The following ZNF679 variants were observed in gnomAD, a reference collection of about 807,000 sequenced individuals.
ZNF679 encodes zinc finger protein 679.
In ZNF679, 10 loss-of-function variants were observed where a neutral mutation model predicts 13.4. That is an observed-to-expected ratio of 0.75 (90% confidence interval 0.46 to 1.27). The LOEUF is 1.27. Among genes scored for constraint, ZNF679 ranks in the 50% most tolerant of loss-of-function variants. The pLI, the probability that ZNF679 is intolerant of heterozygous loss-of-function variation, is 0.00. For missense variants in ZNF679, 525 were observed against 477.8 expected (o/e 1.10, Z -0.92); for synonymous variants, 179 against 162.5 (o/e 1.10, Z -0.77).
intron 2 of ZNF679, among the ~76,000 whole-genome samples, chr7:64,259,875 C>T (rs1788051946): frequency 6.6e-6 from 1 of 151,740 alleles, no homozygotes; most frequent in African/African-American, 2.4e-5. Flanking sequence ...TTTCAGTGAG[C>T]CAAGATCATG....
At chr7:64,257,857 A>G (rs1186283855) in intron 2 of ZNF679, among the ~76,000 whole-genome samples, 2 of 152,346 alleles carry the variant, frequency 1.3e-5, no homozygotes, top group South Asian at 2.1e-4. Context: ...GGAAAGCACA[A>G]TCAGCATTTA....
intron 1 of ZNF679, among the ~76,000 whole-genome samples, chr7:64,236,957 GAAAGAAAGAAAGAAAGAAA>G (rs1562840317): frequency 4.6e-4 from 34 of 74,290 alleles, no homozygotes; most frequent in African/African-American, 2.0e-3. Flanking sequence ...AAGAAAGAAA[GAAAGAAAGAAAGAAAGAAA>G]AAGAAAGAAA....
rs1290345784 is a variant in ZNF679 at position 64,236,922 on chromosome 7, GAAGA to G, written c.-91+8321_-91+8324del. On this transcript the variant is annotated intron_variant, in intron 1 of 4. Coordinates refer to ENST00000421025, the MANE Select transcript of ZNF679 (RefSeq NM_153363.3). ...AAAAAGAAAAAAAGAAAGAAAGAAA[GAAGA>G]AAGAAAGAAAGAAAGAAAGAAAGAA... Among the ~76,000 whole-genome samples the G allele has an allele frequency of 7.8e-3, 662 of 85,366 alleles. 3 individuals carry two copies. Among genetic ancestry groups the G allele is most frequent in the African/African-American group, 0.014 (282 of 19,874 alleles). 56.0% of individuals were successfully genotyped at this position (85,366 alleles called of 152,430 possible).
chr7:64,251,239 G>T lies in ZNF679; in HGVS notation c.39+2083G>T, dbSNP rs78513247. Among the ~76,000 whole-genome samples the T allele has an allele frequency of 9.5e-3, 1,442 of 152,160 alleles. 15 individuals carry two copies. The highest frequency in any genetic ancestry group is 0.033 in the African/African-American group (1,352 of 41,522). On this transcript the variant is annotated intron_variant, in intron 2 of 4. Transcript: ENST00000421025. Reference sequence around the variant, plus strand: ...AAGACCAAGGTGCAGATCACTTGAGGTCAGGAGTTAGAAACCAGCCTGGCC... The same window carrying T: ...AAGACCAAGGTGCAGATCACTTGAGTTCAGGAGTTAGAAACCAGCCTGGCC...
chr7:64,253,033 C>T (rs1644758445), intron 2 of ZNF679, among the ~76,000 whole-genome samples: 1 of 152,114 alleles, frequency 6.6e-6, no homozygotes, highest in African/African-American at 2.4e-5. Context: ...ATCTTGATTT[C>T]TGAATTTTAT....
At chr7:64,255,019 A>AG (rs1787987498) in intron 2 of ZNF679, among the ~76,000 whole-genome samples, 2 of 105,328 alleles carry the variant, frequency 1.9e-5, no homozygotes. Context: ...AAAAAAAAAG[A>AG]AAAAAAATTG....
intron 2 of ZNF679, among the ~76,000 whole-genome samples, chr7:64,250,265 G>GTTTTTTT (rs11434714): frequency 1.3e-4 from 12 of 91,308 alleles, no homozygotes; most frequent in Admixed American, 3.2e-4. Context: ...CTTTCCCTTG[G>GTTTTTTT]TTTTTTTTTT....
chr7:64,265,347 C>T (rs1788129292), intron 4 of ZNF679, among the ~76,000 whole-genome samples: 1 of 152,110 alleles, frequency 6.6e-6, no homozygotes, highest in East Asian at 1.9e-4. Context: ...CATGTTTCTT[C>T]TTACCAGTAG....
At chr7:64,262,212 G>GT (rs1300953422) in intron 4 of ZNF679, among the ~76,000 whole-genome samples, 3 of 152,118 alleles carry the variant, frequency 2.0e-5, no homozygotes. Context: ...TCTAGGAGTT[G>GT]TTTATAAATT....
intron 1 of ZNF679, among the ~76,000 whole-genome samples, chr7:64,238,840 T>C (rs1787759006): frequency 6.6e-6 from 1 of 152,134 alleles, no homozygotes; most frequent in Non-Finnish European, 1.5e-5. Context: ...CACCTGCCCA[T>C]AGATCCCCAC....
At chr7:64,230,601 G>A (rs1414221651) in intron 1 of ZNF679, among the ~76,000 whole-genome samples, 3 of 151,958 alleles carry the variant, frequency 2.0e-5, no homozygotes, top group African/African-American at 7.2e-5. Flanking sequence ...TCACCAAGGT[G>A]TAGCCCAAAT....
At chr7:64,247,520 T>G (rs1448483418) in intron 1 of ZNF679, among the ~76,000 whole-genome samples, 1 of 152,252 alleles carries the variant, frequency 6.6e-6, no homozygotes, top group African/African-American at 2.4e-5. Context: ...TATATTGGAC[T>G]GATTAAATTG....
chr7:64,238,632 T>C (rs1337180508), intron 1 of ZNF679, among the ~76,000 whole-genome samples: 2 of 152,136 alleles, frequency 1.3e-5, no homozygotes, highest in Non-Finnish European at 2.9e-5. Context: ...AAGTGATCCA[T>C]CTGCCTTGGC....
In ZNF679 at chr7:64,260,287, G is replaced by A. The variant is rs538401113; in HGVS notation, c.106G>A (p.Ala36Thr). ...SLEEWQCLDH[A>T]QQNLYRDVML... ...GGAGGAGTGGCAATGCCTGGATCACGCTCAGCAGAATTTATATAGAGATGT... is the reference window on the plus strand; with the variant it reads ...GGAGGAGTGGCAATGCCTGGATCACACTCAGCAGAATTTATATAGAGATGT... Residue 36 changes from alanine (A) to threonine (T), a missense_variant, in exon 3 of 5, where the codon GCT (alanine) becomes ACT (threonine). Physicochemically the swap from Ala to Thr is moderately conservative, Grantham distance 58. Coordinates refer to ENST00000421025, the MANE Select transcript of ZNF679 (RefSeq NM_153363.3). 35 of 1,612,832 alleles carry A rather than the reference G, an allele frequency of 2.2e-5. No individual in the cohort carries two copies. Among genetic ancestry groups the A allele is most frequent in the East Asian group, 1.8e-4 (8 of 44,828 alleles).
chr7:64,233,421 G>T (rs760482105), intron 1 of ZNF679, among the ~76,000 whole-genome samples: 2 of 152,106 alleles, frequency 1.3e-5, no homozygotes, highest in Non-Finnish European at 2.9e-5. Context: ...AGTCTGGGAG[G>T]TTGAGGCTGC....
chr7:64,236,945 GAAAGAAAGA>G (rs1787727420), intron 1 of ZNF679, among the ~76,000 whole-genome samples: 5 of 46,352 alleles, frequency 1.1e-4, no homozygotes, highest in Non-Finnish European at 2.0e-4. Context: ...AAGAAAGAAA[GAAAGAAAGA>G]AAGAAAGAAA....
chr7:64,234,962 C>T (rs1381043429), intron 1 of ZNF679, among the ~76,000 whole-genome samples: 2 of 152,130 alleles, frequency 1.3e-5, no homozygotes, highest in East Asian at 1.9e-4. Flanking sequence ...CTCAGCCTCT[C>T]GAGTAGCTGG....
intron 1 of ZNF679, among the ~76,000 whole-genome samples, chr7:64,229,944 C>T (rs1223969793): frequency 6.6e-6 from 1 of 152,170 alleles, no homozygotes; most frequent in Admixed American, 6.5e-5. Flanking sequence ...TGTTACAACA[C>T]ATGCTGCGAA....
intron 2 of ZNF679, 49 bp downstream of exon 2, chr7:64,249,205 A>G: frequency 1.2e-6 from 2 of 1,613,892 alleles, no homozygotes; most frequent in Non-Finnish European, 1.7e-6. Context: ...GCTGGTTGGA[A>G]CCGGCTGAAA....
Sources: gnomAD v4.1 joint callset for allele counts (sites outside exome capture counted in the v4.1 genomes callset) on GRCh38, gnomAD v4.1.1 for gene constraint, MANE v1.5 for transcripts, NCBI Gene and HGNC (gene_info 2026-07-23, HGNC 2026-07-21) for gene names.